MITF: variants seen among roughly 807,000 people sequenced by gnomAD.
MITF encodes microphthalmia-associated transcription factor.
Under a neutral mutation model 60.5 loss-of-function variants are expected in MITF, and 17 were observed. That is an observed-to-expected ratio of 0.28 (90% confidence interval 0.19 to 0.42). The LOEUF (loss-of-function observed/expected upper bound fraction) is 0.42. Among genes scored for constraint, MITF ranks in the 10% least tolerant of loss-of-function variants. The probability of loss-of-function intolerance (pLI) is 1.00; values close to 1 mark genes in which losing one functional copy is unlikely to be tolerated. For synonymous variants in MITF, 260 were observed against 248.5 expected (o/e 1.05, Z -0.43); for missense variants, 622 against 683.5 (o/e 0.91, Z 1.00).
chr3:69,746,600 G>T (rs1417857435), intron 1 of MITF, among the ~76,000 whole-genome samples: 1 of 152,026 alleles, frequency 6.6e-6, no homozygotes, highest in Non-Finnish European at 1.5e-5. Flanking sequence ...AAATATGTTT[G>T]ACTACACTCC....
rs547449045 is a variant in MITF at position 69,814,583 on chromosome 3, C to A, written c.105-64551C>A. Among the ~76,000 whole-genome samples the A allele has an allele frequency of 4.6e-5, 7 of 152,242 alleles. No homozygotes were observed. In the East Asian group the frequency reaches 1.4e-3, roughly 29 times the overall value. On this transcript the variant is annotated intron_variant, in intron 1 of 9. Transcript: ENST00000352241. ...GGCTCAAGCAATCCTCCTACCTCGGCCTCCCAAATTGTTGGGATGAACCAG... is the reference window on the plus strand; with the variant it reads ...GGCTCAAGCAATCCTCCTACCTCGGACTCCCAAATTGTTGGGATGAACCAG...
At chr3:69,943,172 G>T (rs905736035) in intron 5 of MITF, among the ~76,000 whole-genome samples, 1 of 150,912 alleles carries the variant, frequency 6.6e-6, no homozygotes, top group Non-Finnish European at 1.5e-5. Context: ...AAGTAGCTGG[G>T]ATTATAGGTG....
Position 69,964,853 on chromosome 3 carries a change from G to C in MITF, c.1186G>C (p.Glu396Gln). 1 of 1,614,084 alleles carries C rather than the reference G, an allele frequency of 6.2e-7. No individual in the cohort carries two copies. Among genetic ancestry groups the C allele is most frequent in the South Asian group, 1.1e-5 (1 of 91,062 alleles). The change falls in exon 10 of 10, where the codon GAA (glutamate) becomes CAA (glutamine). Residue 396 changes from glutamate (E) to glutamine (Q), a missense_variant. This residue lies in a region of MITF where 224 missense variants were observed against 209.5 expected (regional missense o/e 1.07). Coordinates refer to ENST00000352241, the MANE Select transcript of MITF (RefSeq NM_001354604.2). Reference protein sequence around the residue: ...RHLLLRIQELEMQARAHGLSL... With the variant: ...RHLLLRIQELQMQARAHGLSL... ...ATCTTTACTCTTATTATAGGAACTTGAAATGCAGGCTCGAGCTCATGGACT... is the reference window on the plus strand; with the variant it reads ...ATCTTTACTCTTATTATAGGAACTTCAAATGCAGGCTCGAGCTCATGGACT...
chr3:69,917,345 A>G (rs2065357571), intron 2 of MITF, among the ~76,000 whole-genome samples: 1 of 145,164 alleles, frequency 6.9e-6, no homozygotes, highest in Non-Finnish European at 1.5e-5. Flanking sequence ...ATATGAAAAT[A>G]TGATGATATT....
chr3:69,790,134 A>C lies in MITF; in HGVS notation c.104+50433A>C, dbSNP rs141622300. Among the ~76,000 whole-genome samples the C allele has an allele frequency of 7.2e-5, 11 of 152,316 alleles. No homozygotes were observed. In the East Asian group the frequency reaches 1.9e-3, roughly 27 times the overall value. ...TGTCATATGCCATGCTACAACATAG[A>C]TGAATCTTTAGGACATTATAGTAAG... On this transcript the variant is annotated intron_variant, in intron 1 of 9. Coordinates refer to ENST00000352241, the MANE Select transcript of MITF (RefSeq NM_001354604.2).
At chr3:69,918,846 T>G (rs2065397218) in intron 2 of MITF, among the ~76,000 whole-genome samples, 1 of 152,234 alleles carries the variant, frequency 6.6e-6, no homozygotes, top group Non-Finnish European at 1.5e-5. Context: ...TTGTTACAAC[T>G]TATTCTCATA....
chr3:69,916,337 G>A (rs1051549113), intron 2 of MITF, among the ~76,000 whole-genome samples: 2 of 152,024 alleles, frequency 1.3e-5, no homozygotes, highest in Non-Finnish European at 1.5e-5. Context: ...TTTTATGAAC[G>A]TGTTCACATC....
intron 1 of MITF, among the ~76,000 whole-genome samples, chr3:69,803,477 C>T (rs1353140896): frequency 2.0e-5 from 3 of 152,066 alleles, no homozygotes; most frequent in African/African-American, 4.8e-5. Context: ...TTCCTGAGCC[C>T]TGTGGTTTAC....
chr3:69,962,479 C>T (rs1234207927), intron 9 of MITF, among the ~76,000 whole-genome samples: 1 of 152,174 alleles, frequency 6.6e-6, no homozygotes, highest in Non-Finnish European at 1.5e-5. Context: ...GACCCAAAAA[C>T]CTTGAATTTA....
intron 2 of MITF, among the ~76,000 whole-genome samples, chr3:69,882,004 G>A (rs913022849): frequency 1.3e-5 from 2 of 152,036 alleles, no homozygotes; most frequent in African/African-American, 4.8e-5. Context: ...AGAACCAGAG[G>A]GAAGAAAGGT....
chr3:69,905,022 A>C (rs2065068199), intron 2 of MITF, among the ~76,000 whole-genome samples: 2 of 152,162 alleles, frequency 1.3e-5, no homozygotes, highest in Non-Finnish European at 2.9e-5. Flanking sequence ...CCAAGTGTAT[A>C]ATTTGATAAA....
intron 2 of MITF, among the ~76,000 whole-genome samples, chr3:69,894,540 G>A (rs1351915944): frequency 2.0e-5 from 3 of 151,950 alleles, no homozygotes; most frequent in African/African-American, 7.3e-5. Flanking sequence ...ATGAAAATTA[G>A]CCAGGCTTGG....
chr3:69,920,882 C>G (rs1225743555), intron 2 of MITF, among the ~76,000 whole-genome samples: 2 of 152,158 alleles, frequency 1.3e-5, no homozygotes, highest in Non-Finnish European at 2.9e-5. Flanking sequence ...GGGCTGGTCC[C>G]TACAAGACAG....
At chr3:69,760,490 T>G (rs2062196457) in intron 1 of MITF, among the ~76,000 whole-genome samples, 1 of 152,226 alleles carries the variant, frequency 6.6e-6, no homozygotes, top group Non-Finnish European at 1.5e-5. Flanking sequence ...GCGTATGGAC[T>G]GTAGACTGGC....
At chr3:69,930,015 G>A (rs565500623) in intron 2 of MITF, among the ~76,000 whole-genome samples, 3 of 152,264 alleles carry the variant, frequency 2.0e-5, no homozygotes, top group South Asian at 4.1e-4. Context: ...AACAAAAATG[G>A]CAATTTTCTA....
At chr3:69,808,631 C>T (rs1204366492) in intron 1 of MITF, among the ~76,000 whole-genome samples, 1 of 151,834 alleles carries the variant, frequency 6.6e-6, no homozygotes, top group Non-Finnish European at 1.5e-5. Flanking sequence ...ACGGTGTGAC[C>T]AAGGAATTGC....
intron 2 of MITF, chr3:69,937,091 C>T (rs944582648): frequency 2.2e-5 from 5 of 224,392 alleles, no homozygotes; most frequent in Non-Finnish European, 3.5e-5. Flanking sequence ...AAGTATTTCT[C>T]GTTCTGAATT....
chr3:69,920,081 GA>G (rs1424892811), intron 2 of MITF, among the ~76,000 whole-genome samples: 2 of 152,040 alleles, frequency 1.3e-5, no homozygotes, highest in Non-Finnish European at 1.5e-5. Flanking sequence ...CATAACCTAG[GA>G]AAAACCAGGC....
chr3:69,774,535 C>T (rs767524246), intron 1 of MITF, among the ~76,000 whole-genome samples: 10 of 152,156 alleles, frequency 6.6e-5, no homozygotes, highest in Admixed American at 1.3e-4. Context: ...TTGGGAGTCA[C>T]GTGGAGCCCT....
Sources: gnomAD v4.1 joint callset for allele counts (sites outside exome capture counted in the v4.1 genomes callset) on GRCh38, gnomAD v4.1.1 for gene constraint, gnomAD v4.1.1 regional missense constraint, MANE v1.5 for transcripts, NCBI Gene and HGNC (gene_info 2026-07-23, HGNC 2026-07-21) for gene names.